Variants in NCOR2 observed in about 807,000 individuals in gnomAD.
NCOR2 encodes the protein nuclear receptor corepressor 2, also known as CTG repeat protein 26.
A neutral mutation model predicts 262.9 loss-of-function variants in NCOR2; 81 were observed. That is an observed-to-expected ratio of 0.31 (90% CI 0.26 to 0.37). The LOEUF (loss-of-function observed/expected upper bound fraction) is 0.37. NCOR2 is among the 10% of genes least tolerant of loss of function. The pLI, the probability that NCOR2 is intolerant of heterozygous loss-of-function variation, is 1.00. For missense variants in NCOR2, 3,385 were observed against 3,621.4 expected, an observed-to-expected ratio of 0.93 and a Z score of 1.68; for synonymous variants, 1,659 against 1,559.3, an observed-to-expected ratio of 1.06 and a Z score of -1.51.
intron 17 of NCOR2, among the ~76,000 whole-genome samples, chr12:124,381,935 G>A (rs1258512901): frequency 3.9e-5 from 6 of 152,334 alleles, no homozygotes; most frequent in African/African-American, 9.6e-5. Context: ...CCGCCCGCCC[G>A]GCCGCCGGAT....
chr12:124,325,383 C>CA (rs2034536286), exon 47 of NCOR2: 4 of 440,016 alleles, frequency 9.1e-6, no homozygotes, highest in South Asian at 1.5e-4. Context: ...CACCGCCCCC[C>CA]CCCCCGCCCT....
chr12:124,336,893 G>T, exon 38 of NCOR2: 1 of 1,605,624 alleles, frequency 6.2e-7, no homozygotes, highest in Non-Finnish European at 8.5e-7. Flanking sequence ...AGGGGTGCGG[G>T]CGATGGTGGC....
intron 10 of NCOR2, among the ~76,000 whole-genome samples, chr12:124,427,192 G>A (rs1290903348): frequency 1.3e-5 from 2 of 152,168 alleles, no homozygotes; most frequent in Non-Finnish European, 2.9e-5. Flanking sequence ...GCAGGCAAGA[G>A]TGGGCCCTGG....
At chr12:124,428,547 T>C (rs933116490) in intron 10 of NCOR2, among the ~76,000 whole-genome samples, 3 of 151,942 alleles carry the variant, frequency 2.0e-5, no homozygotes, top group Admixed American at 6.6e-5. Context: ...CTGGGGCCCC[T>C]TCCATCTGTC....
intron 6 of NCOR2, among the ~76,000 whole-genome samples, chr12:124,451,570 T>A (rs2045539357): frequency 7.4e-6 from 1 of 135,426 alleles, no homozygotes; most frequent in African/African-American, 2.7e-5. Flanking sequence ...TGTGTATGTC[T>A]TTCTGTCTGT....
chr12:124,397,158 C>T (rs945552595), intron 16 of NCOR2, among the ~76,000 whole-genome samples: 5 of 152,182 alleles, frequency 3.3e-5, no homozygotes, highest in Admixed American at 6.5e-5. Flanking sequence ...GTGAGCGTGC[C>T]GTGGGAGCCA....
At chr12:124,400,883 T>C (rs1007548191) in intron 14 of NCOR2, among the ~76,000 whole-genome samples, 3 of 152,192 alleles carry the variant, frequency 2.0e-5, no homozygotes, top group African/African-American at 7.2e-5. Flanking sequence ...GGAGTACAGC[T>C]GGCAGGACAA....
At chr12:124,506,291 C>T (rs986785177) in intron 1 of NCOR2, among the ~76,000 whole-genome samples, 1 of 152,224 alleles carries the variant, frequency 6.6e-6, no homozygotes, top group Non-Finnish European at 1.5e-5. Context: ...CCGGCCCTCC[C>T]CACGGCCCTG....
intron 6 of NCOR2, among the ~76,000 whole-genome samples, chr12:124,450,806 T>C (rs1214876284): frequency 1.3e-5 from 2 of 152,248 alleles, no homozygotes; most frequent in Non-Finnish European, 2.9e-5. Flanking sequence ...GTTCTGATAC[T>C]TTCTAGCTGG....
intron 1 of NCOR2, among the ~76,000 whole-genome samples, chr12:124,513,009 C>T (rs1343339652): frequency 6.6e-6 from 1 of 152,212 alleles, no homozygotes; most frequent in Non-Finnish European, 1.5e-5. Flanking sequence ...CAAATCCCAC[C>T]TCCCGCTGCT....
At chr12:124,401,784 G>T (rs895805568) in intron 14 of NCOR2, among the ~76,000 whole-genome samples, 3 of 152,222 alleles carry the variant, frequency 2.0e-5, no homozygotes, top group African/African-American at 7.2e-5. Flanking sequence ...CTGGGAGACG[G>T]GGTGAGGAAG....
chr12:124,391,554 C>G lies in NCOR2; in HGVS notation c.1877-5667G>C, dbSNP rs11057611. Among the ~76,000 whole-genome samples the G allele has an allele frequency of 4.7e-3, 711 of 152,244 alleles. 29 individuals carry two copies. In the East Asian group the frequency reaches 0.093, roughly 20 times the overall value. On this transcript the variant is annotated intron_variant, in intron 16 of 46. Transcript: ENST00000405201. ...CCTCCGCATTGACACCCTTGACAGG[C>G]CGGGCACTCCTGCGTGTCTTGTCAG...
intron 8 of NCOR2, among the ~76,000 whole-genome samples, chr12:124,434,757 G>A (rs1439481011): frequency 2.6e-5 from 4 of 152,204 alleles, no homozygotes; most frequent in Non-Finnish European, 5.9e-5. Context: ...AGGAGACAGA[G>A]GGGGAGTATT....
At chr12:124,529,270 C>G (rs1350164378) in intron 1 of NCOR2, among the ~76,000 whole-genome samples, 1 of 144,574 alleles carries the variant, frequency 6.9e-6, no homozygotes, top group East Asian at 2.0e-4. Context: ...AGTTCAAGAA[C>G]AGCCTGGCCA....
Position 124,457,485 on chromosome 12 carries a change from C to G in NCOR2, c.706-323G>C, listed in dbSNP as rs937168358. On this transcript the variant is annotated intron_variant, in intron 5 of 46. Coordinates refer to ENST00000405201, the Ensembl canonical transcript of NCOR2. The surrounding 1 kb of genome is among the most constrained non-coding windows in gnomAD (Gnocchi z 4.0). ...GGCCCAGCGACGTGGGCACCGCTCCCCACCAGCCCAGCCGACACTGCCAGC... is the reference window on the plus strand; with the variant it reads ...GGCCCAGCGACGTGGGCACCGCTCCGCACCAGCCCAGCCGACACTGCCAGC... Among the ~76,000 whole-genome samples the G allele has an allele frequency of 2.0e-5, 3 of 152,206 alleles. No homozygotes were observed. Among genetic ancestry groups the G allele is most frequent in the Non-Finnish European group, 4.4e-5 (3 of 68,036 alleles).
intron 3 of NCOR2, among the ~76,000 whole-genome samples, chr12:124,477,983 C>T (rs999848658): frequency 2.6e-5 from 4 of 152,222 alleles, no homozygotes; most frequent in African/African-American, 9.7e-5. Context: ...CCCAGCTTCA[C>T]GCACTCCCAA....
At chr12:124,447,412 AT>A (rs1469911772) in intron 7 of NCOR2, among the ~76,000 whole-genome samples, 5 of 152,240 alleles carry the variant, frequency 3.3e-5, no homozygotes, top group African/African-American at 7.2e-5. Flanking sequence ...ATGAAGCAAT[AT>A]CTATTTGCTG....
intron 1 of NCOR2, among the ~76,000 whole-genome samples, chr12:124,532,881 TCCAAATCCCACTCCTCTTTCCC>T (rs2050891418): frequency 9.4e-5 from 4 of 42,734 alleles, no homozygotes; most frequent in African/African-American, 2.6e-4. Context: ...TTCCCCCACC[TCCAAATCCCACTCCTCTTTCCC>T]CCCTCCCTCC....
intron 28 of NCOR2, chr12:124,348,894 T>A (rs752386453): frequency 6.4e-6 from 1 of 156,584 alleles, no homozygotes; most frequent in Non-Finnish European, 1.4e-5. Context: ...GGAGCACGCA[T>A]GTGCACTGGC....
Sources: allele counts gnomAD v4.1 joint callset (sites outside exome capture counted in the v4.1 genomes callset), GRCh38; gene constraint gnomAD v4.1.1; non-coding constraint Gnocchi (gnomAD v3.1); transcripts MANE v1.5; gene names NCBI Gene and HGNC (gene_info 2026-07-23, HGNC 2026-07-21).